The following KDELR1 variants were observed in gnomAD, a reference collection of about 807,000 sequenced individuals.
The protein encoded by KDELR1 is ER lumen protein-retaining receptor 1.
KDELR1 carries 16 observed loss-of-function variants against 25.5 expected under a neutral mutation model. The ratio of observed to expected loss-of-function variants is 0.63; its 90% CI spans 0.43 to 0.95. The LOEUF (loss-of-function observed/expected upper bound fraction) is 0.95, where lower values mean the gene tolerates loss of function less well. Ranked by LOEUF, KDELR1 falls within the 40% of genes least tolerant of loss-of-function variation. The probability of loss-of-function intolerance (pLI) is 0.00; values close to 1 mark genes in which losing one functional copy is unlikely to be tolerated. For synonymous variants in KDELR1, 121 were observed against 115.0 expected (o/e 1.05, Z -0.33); for missense variants, 159 against 265.2 (o/e 0.60, Z 2.78).
At chr19:48,396,228 C>T (rs1163636656), upstream of KDELR1, among the ~76,000 whole-genome samples, 1 of 151,584 alleles carries the variant, frequency 6.6e-6, no homozygotes, top group Non-Finnish European at 1.5e-5. Context: ...TCCCTGAGGG[C>T]GTGGGTTCTG....
chr19:48,386,855 C>T (rs1970501619), intron 3 of KDELR1, among the ~76,000 whole-genome samples: 1 of 151,930 alleles, frequency 6.6e-6, no homozygotes, highest in Non-Finnish European at 1.5e-5. Context: ...TCACTTGAGG[C>T]CAGGAGTTCA....
At chr19:48,386,470 T>C (rs8112483) in intron 3 of KDELR1, among the ~76,000 whole-genome samples, 31,396 of 138,842 alleles carry the variant, frequency 0.23, 4,558 homozygotes, top group African/African-American at 0.41. Flanking sequence ...TTTTTTGAGA[T>C]GGCGTCTTGC....
chr19:48,396,473 G>C (rs1970642216), upstream of KDELR1, among the ~76,000 whole-genome samples: 1 of 152,012 alleles, frequency 6.6e-6, no homozygotes, highest in East Asian at 1.9e-4. Context: ...GCTGGAGGGT[G>C]AGCAGCCACT....
upstream of KDELR1, among the ~76,000 whole-genome samples, chr19:48,394,431 CAGAT>C (rs1486446557): frequency 7.8e-6 from 1 of 128,132 alleles, no homozygotes; most frequent in Non-Finnish European, 1.5e-5. The surrounding 1 kb of genome is among the most constrained non-coding windows in gnomAD (Gnocchi z 5.1). Flanking sequence ...CCCAGACAGA[CAGAT>C]AGACACAGAC....
At chr19:48,395,564 G>A (rs886979690), upstream of KDELR1, among the ~76,000 whole-genome samples, 2 of 152,056 alleles carry the variant, frequency 1.3e-5, no homozygotes, top group Non-Finnish European at 2.9e-5. Context: ...GAGGTTGTGG[G>A]GGGAGCTGTT....
upstream of KDELR1, among the ~76,000 whole-genome samples, chr19:48,391,770 A>G (rs1970557546): frequency 6.6e-6 from 1 of 152,172 alleles, no homozygotes; most frequent in Non-Finnish European, 1.5e-5. Context: ...TCTCTGGAAG[A>G]GACGCAGTCC....
chr19:48,384,167 C>T lies in KDELR1; in HGVS notation c.604+63G>A, dbSNP rs1051607773. 27 of 1,595,294 alleles carry T rather than the reference C, an allele frequency of 1.7e-5. No homozygotes were observed. In the African/African-American group the frequency reaches 3.5e-4, roughly 21 times the overall value. On this transcript the variant is annotated intron_variant, in intron 4 of 4. Coordinates refer to ENST00000330720, the MANE Select transcript of KDELR1 (RefSeq NM_006801.3). The surrounding 1 kb of genome is among the most constrained non-coding windows in gnomAD (Gnocchi z 4.6). ...TACAGGGGTAAGGAGACCCCAGTCC[C>T]CAGGGAGGGCAGGAGCTGCAGAAAT...
Position 48,385,226 on chromosome 19 carries a change from C to T in KDELR1, c.352-744G>A, listed in dbSNP as rs542531640. On this transcript the variant is annotated intron_variant, in intron 3 of 4. Coordinates refer to ENST00000330720, the MANE Select transcript of KDELR1 (RefSeq NM_006801.3). Reference sequence around the variant, plus strand: ...TGTGGCAGGCTGCATATGCTGTTCCCACAGCAGGAAAAGCTCTTCCCCTAC... The same window carrying T: ...TGTGGCAGGCTGCATATGCTGTTCCTACAGCAGGAAAAGCTCTTCCCCTAC... Among the ~76,000 whole-genome samples the T allele has an allele frequency of 2.0e-5, 3 of 152,300 alleles. No individual in the cohort carries two copies. The South Asian group carries it at 6.2e-4, about 32-fold the overall frequency.
In KDELR1 at chr19:48,384,740, G is replaced by A. The variant is rs1970481622; in HGVS notation, c.352-258C>T. Among the ~76,000 whole-genome samples, 1 of 152,004 alleles carries A rather than the reference G, an allele frequency of 6.6e-6. No individual in the cohort carries two copies. Among genetic ancestry groups the A allele is most frequent in the Non-Finnish European group, 1.5e-5 (1 of 68,002 alleles). ...TGACACCAGAGAAGGTAAGATACTC[G>A]CCCAAGACCATGTAGCCAGCAAGCA... On this transcript the variant is annotated intron_variant, in intron 3 of 4. Transcript: ENST00000330720. This position sits in a 1 kb window ranked among gnomAD's most constrained non-coding sequence, Gnocchi z 4.6.
intron 3 of KDELR1, among the ~76,000 whole-genome samples, chr19:48,386,886 G>A (rs1970501843): frequency 6.6e-6 from 1 of 151,898 alleles, no homozygotes; most frequent in Non-Finnish European, 1.5e-5. Context: ...GGTCAACATA[G>A]CAAAACCCTG....
At chr19:48,390,577 G>GAGAGAGAGAGACAGAGAGAC in intron 1 of KDELR1, 53 bp from the exon 2 acceptor site, 1 of 979,528 alleles carries the variant, frequency 1.0e-6, no homozygotes, top group Admixed American at 2.3e-5. Flanking sequence ...GAGAGAGAGA[G>GAGAGAGAGAGACAGAGAGAC]AGACAGACAG....
At position 48,391,455 on chromosome 19, in the gene KDELR1, G is replaced by T; in HGVS notation, c.-97C>A. The T allele has an allele frequency of 1.1e-6, 1 of 922,498 alleles. No homozygotes were observed. The highest frequency in any genetic ancestry group is 1.7e-6 in the Non-Finnish European group (1 of 585,528). 57.1% of individuals were successfully genotyped at this position (922,498 alleles called of 1,614,324 possible). A position where few individuals can be genotyped will look rare whatever the true frequency, so the allele number is the denominator to read the frequency against. Reference sequence around the variant, plus strand: ...GTCTGAACGGGTAGCTGGGCTGGGGGGACGGAAGAGGGACCCTAGGTGCGC... The same window carrying T: ...GTCTGAACGGGTAGCTGGGCTGGGGTGACGGAAGAGGGACCCTAGGTGCGC... On this transcript the variant is annotated 5_prime_UTR_variant, in exon 1 of 5. Coordinates refer to ENST00000330720, the MANE Select transcript of KDELR1 (RefSeq NM_006801.3).
chr19:48,387,354 G>T (rs1970505104), intron 3 of KDELR1, among the ~76,000 whole-genome samples: 1 of 152,018 alleles, frequency 6.6e-6, no homozygotes, highest in Non-Finnish European at 1.5e-5. Context: ...GTCACCCTCT[G>T]TTGGATTTGT....
In KDELR1 at chr19:48,386,691, G is replaced by A. The variant is rs538239709; in HGVS notation, c.352-2209C>T. Among the ~76,000 whole-genome samples the A allele has an allele frequency of 1.4e-4, 21 of 150,748 alleles. No individual in the cohort carries two copies. In the South Asian group the frequency reaches 4.4e-3, roughly 32 times the overall value. ...TTGAACCCCTGACCTCGTGATCCACGATCCACCTGTCTCAGCCTCCCAAAG... is the reference window on the plus strand; with the variant it reads ...TTGAACCCCTGACCTCGTGATCCACAATCCACCTGTCTCAGCCTCCCAAAG... On this transcript the variant is annotated intron_variant, in intron 3 of 4. Transcript: ENST00000330720.
chr19:48,395,295 C>A (rs276715), upstream of KDELR1, among the ~76,000 whole-genome samples: 205 of 150,334 alleles, frequency 1.4e-3, no homozygotes, highest in African/African-American at 4.7e-3. Context: ...CATCGCGAGC[C>A]GGTCCTCTCC....
chr19:48,383,016 C>T lies in KDELR1; in HGVS notation c.*277G>A. On this transcript the variant is annotated 3_prime_UTR_variant, in exon 5 of 5. Coordinates refer to ENST00000330720, the MANE Select transcript of KDELR1 (RefSeq NM_006801.3). ...AAACACTTTATAAAAATTGGGGCCA[C>T]AGAGTAGAAGAAAAACGAGTCATCA... 2.0e-6 allele frequency: 1 copy of T among 512,080 alleles called. No homozygotes were observed. The highest frequency in any genetic ancestry group is 3.5e-6 in the Non-Finnish European group (1 of 287,268). 31.7% of individuals were successfully genotyped at this position (512,080 alleles called of 1,614,324 possible).
chr19:48,383,114 C>T lies in KDELR1; in HGVS notation c.*179G>A, dbSNP rs1970469127. The T allele has an allele frequency of 1.7e-5, 11 of 633,648 alleles. No homozygotes were observed. Among genetic ancestry groups the T allele is most frequent in the Middle Eastern group, 3.2e-4 (1 of 3,126 alleles). 39.3% of individuals were successfully genotyped at this position (633,648 alleles called of 1,614,324 possible). On this transcript the variant is annotated 3_prime_UTR_variant, in exon 5 of 5. Transcript: ENST00000330720. ...GCAAAAAACTACAAACAGCCCAAGTCCTGAGCTCCCCAAGACCTGGATCCT... is the reference window on the plus strand; with the variant it reads ...GCAAAAAACTACAAACAGCCCAAGTTCTGAGCTCCCCAAGACCTGGATCCT...
At chr19:48,396,231 G>A (rs1382995688), upstream of KDELR1, among the ~76,000 whole-genome samples, 2 of 152,090 alleles carry the variant, frequency 1.3e-5, no homozygotes, top group Admixed American at 1.3e-4. Flanking sequence ...CTGAGGGCGT[G>A]GGTTCTGGGG....
At chr19:48,390,726 T>A in intron 1 of KDELR1, 1 of 542,544 alleles carries the variant, frequency 1.8e-6, no homozygotes. Context: ...CCGCCCCGCC[T>A]GAGCAGGGCC....
Sources: allele counts gnomAD v4.1 joint callset (sites outside exome capture counted in the v4.1 genomes callset), GRCh38; gene constraint gnomAD v4.1.1; non-coding constraint Gnocchi (gnomAD v3.1); transcripts MANE v1.5; gene names NCBI Gene and HGNC (gene_info 2026-07-23, HGNC 2026-07-21).